L3HYPDH: variants seen among roughly 807,000 people sequenced by gnomAD.
L3HYPDH encodes the protein trans-3-hydroxy-L-proline dehydratase.
In L3HYPDH, 32 loss-of-function variants were observed where a neutral mutation model predicts 26.5. The ratio of observed to expected loss-of-function variants is 1.21; its 90% confidence interval spans 0.91 to 1.62. The LOEUF (loss-of-function observed/expected upper bound fraction) is 1.62, where lower values mean the gene tolerates loss of function less well. L3HYPDH is among the 40% of genes most tolerant of loss of function. L3HYPDH has a pLI of 0.00. For missense variants in L3HYPDH, 554 were observed against 476.4 expected (o/e 1.16, Z -1.52); for synonymous variants, 215 against 196.6 (o/e 1.09, Z -0.78).
At chr14:59,478,981 C>G in intron 2 of L3HYPDH, 1 of 435,226 alleles carries the variant, frequency 2.3e-6, no homozygotes. Context: ...GGGCCACATT[C>G]AAAGCCATCC....
chr14:59,503,882 A>G, the L3HYPDH span: 1 of 1,612,722 alleles, frequency 6.2e-7, no homozygotes, highest in Non-Finnish European at 8.5e-7. Flanking sequence ...GTCAGAAAGA[A>G]AAGACTTATT....
chr14:59,483,862 C>A lies in L3HYPDH; in HGVS notation c.455G>T (p.Arg152Leu). The part of the protein sequence containing the change: ...VTAFVACEDG[R>L]SHGPVRFHSV... ...GTGGAAGCGCACCGGTCCGTGGCTGCGGCCGTCCTCGCATGCCACGAAGGC... is the reference window on the plus strand; with the variant it reads ...GTGGAAGCGCACCGGTCCGTGGCTGAGGCCGTCCTCGCATGCCACGAAGGC... The change falls in exon 1 of 5, where the codon CGC (arginine) becomes CTC (leucine). Residue 152 changes from arginine (R) to leucine (L), a missense_variant. Arg to Leu is a moderately radical substitution (Grantham distance 102). Transcript: ENST00000247194. 2 of 1,583,116 alleles carry A rather than the reference C, an allele frequency of 1.3e-6. No individual in the cohort carries two copies. The highest frequency in any genetic ancestry group is 8.5e-7 in the Non-Finnish European group (1 of 1,171,874).
At chr14:59,488,111 A>C (rs1890719261), upstream of L3HYPDH, among the ~76,000 whole-genome samples, 1 of 152,096 alleles carries the variant, frequency 6.6e-6, no homozygotes, top group African/African-American at 2.4e-5. Context: ...AAAATTGGTT[A>C]TGATTACAAG....
At chr14:59,503,393 G>T in the L3HYPDH span, among the ~76,000 whole-genome samples, 1 of 152,160 alleles carries the variant, frequency 6.6e-6, no homozygotes, top group Admixed American at 6.5e-5. Flanking sequence ...TGTCATTTCT[G>T]CCCCCTTACT....
At chr14:59,471,715 A>C (rs1889315282), downstream of L3HYPDH, among the ~76,000 whole-genome samples, 1 of 152,212 alleles carries the variant, frequency 6.6e-6, no homozygotes, top group African/African-American at 2.4e-5. Flanking sequence ...TTTTTAAACA[A>C]TTTCCTTCAA....
the L3HYPDH span, among the ~76,000 whole-genome samples, chr14:59,502,762 T>TGTTTTGTTTTTG: frequency 1.5e-5 from 2 of 133,616 alleles, 1 homozygote; most frequent in African/African-American, 5.7e-5. Context: ...TTTTTTTTTT[T>TGTTTTGTTTTTG]TTTTTTTTTT....
the L3HYPDH span, among the ~76,000 whole-genome samples, chr14:59,501,753 G>A: frequency 6.6e-6 from 1 of 152,142 alleles, no homozygotes; most frequent in Admixed American, 6.5e-5. Context: ...ATGTTTGGGG[G>A]ATTTGGAGCT....
chr14:59,469,798 T>A (rs989381412), downstream of L3HYPDH, among the ~76,000 whole-genome samples: 2 of 152,126 alleles, frequency 1.3e-5, no homozygotes, highest in Non-Finnish European at 2.9e-5. Flanking sequence ...TTGGTTGTCC[T>A]CTAAGTACTG....
intron 2 of L3HYPDH, among the ~76,000 whole-genome samples, chr14:59,476,512 A>G (rs1016289361): frequency 3.9e-5 from 6 of 152,186 alleles, no homozygotes; most frequent in Non-Finnish European, 8.8e-5. Flanking sequence ...CCAAATACAC[A>G]TAGTCTTTGC....
intron 1 of L3HYPDH, 166 bp downstream of exon 1, chr14:59,483,643 T>C (rs776870583): frequency 1.4e-6 from 2 of 1,438,074 alleles, no homozygotes; most frequent in Non-Finnish European, 1.8e-6. Context: ...ACGCACCAAA[T>C]ACGCAAGGCT....
chr14:59,479,135 C>T, intron 2 of L3HYPDH, 47 bp downstream of exon 2: 4 of 1,385,216 alleles, frequency 2.9e-6, no homozygotes, highest in Non-Finnish European at 3.0e-6. Flanking sequence ...ATATTTCCTC[C>T]ATGCCACAGA....
intron 4 of L3HYPDH, among the ~76,000 whole-genome samples, chr14:59,473,900 G>A (rs1226079549): frequency 2.0e-5 from 3 of 152,164 alleles, no homozygotes; most frequent in African/African-American, 7.2e-5. Context: ...GGTACCATCA[G>A]GGAGCCTGGA....
At chr14:59,475,606 A>AGAATGAG (rs531726954) in intron 4 of L3HYPDH, among the ~76,000 whole-genome samples, 256 of 152,312 alleles carry the variant, frequency 1.7e-3, no homozygotes, top group African/African-American at 5.7e-3. Flanking sequence ...CACTCTTGAG[A>AGAATGAG]GAATGAGAGT....
At position 59,484,250 on chromosome 14, in the gene L3HYPDH, C is replaced by A. The variant is rs756119911; in HGVS notation, c.67G>T (p.Val23Leu). Residue 23 changes from valine (V) to leucine (L), a missense_variant, in exon 1 of 5, where the codon GTG (valine) becomes TTG (leucine). Coordinates refer to ENST00000247194, the MANE Select transcript of L3HYPDH (RefSeq NM_144581.2). ...GGCTCGCCGCCCGTGTGCATGTCCACCACCGACAGCACCGGCGTCCCTGGA... is the reference window on the plus strand; with the variant it reads ...GGCTCGCCGCCCGTGTGCATGTCCAACACCGACAGCACCGGCGTCCCTGGA... ...HDPGTPVLSVVDMHTGGEPLR... is the reference protein window; with the variant it reads ...HDPGTPVLSVLDMHTGGEPLR... 3.8e-6 allele frequency: 6 copies of A among 1,597,814 alleles called. No individual in the cohort carries two copies. The African/African-American group carries it at 4.0e-5, about 11-fold the overall frequency.
downstream of L3HYPDH, chr14:59,472,503 G>A (rs941922785): frequency 6.6e-6 from 1 of 152,470 alleles, no homozygotes; most frequent in African/African-American, 2.4e-5. Flanking sequence ...GTTGTGCTAA[G>A]TGTTGAGTAC....
intron 2 of L3HYPDH, among the ~76,000 whole-genome samples, chr14:59,477,416 T>C (rs188652217): frequency 6.6e-5 from 10 of 152,372 alleles, no homozygotes; most frequent in Admixed American, 6.5e-4. Context: ...TTAATTGTAC[T>C]GTCTGATACA....
chr14:59,484,737 G>T (rs1237158077), upstream of L3HYPDH: 6 of 1,110,536 alleles, frequency 5.4e-6, no homozygotes, highest in East Asian at 1.5e-4. Flanking sequence ...CCTCGGGCCG[G>T]GCTCCGCACT....
At chr14:59,480,621 C>G (rs1208808051) in intron 1 of L3HYPDH, among the ~76,000 whole-genome samples, 1 of 152,206 alleles carries the variant, frequency 6.6e-6, no homozygotes, top group Non-Finnish European at 1.5e-5. Flanking sequence ...AGTTTTCATA[C>G]AAGGTCATAC....
rs1235837670 is a variant in L3HYPDH at position 59,483,978 on chromosome 14, G to C, written c.339C>G (p.Arg113=). 3 of 1,578,456 alleles carry C rather than the reference G, an allele frequency of 1.9e-6. No homozygotes were observed. Among genetic ancestry groups the C allele is most frequent in the Non-Finnish European group, 2.6e-6 (3 of 1,167,804 alleles). ...MCGHAVLALG[R]FALDFGLVPA... The stretch of plus-strand genomic sequence containing the variant: ...GCACAAGCCCGAAGTCCAAAGCGAA[G>C]CGGCCCAGCGCCAGCACTGCGTGGC... The change falls in exon 1 of 5, where the codon CGC becomes CGG. Residue 113 remains arginine (R), a synonymous_variant. Coordinates refer to ENST00000247194, the MANE Select transcript of L3HYPDH (RefSeq NM_144581.2).
Sources: allele counts gnomAD v4.1 joint callset (sites outside exome capture counted in the v4.1 genomes callset), GRCh38; gene constraint gnomAD v4.1.1; transcripts MANE v1.5; gene names NCBI Gene and HGNC (gene_info 2026-07-23, HGNC 2026-07-21).